SYNPR: variants seen among roughly 807,000 people sequenced by gnomAD.
SYNPR encodes synaptoporin.
In SYNPR, 23 loss-of-function variants were observed where a neutral mutation model predicts 32.9. That is an observed-to-expected ratio of 0.70 (90% CI 0.50 to 0.99). SYNPR has a LOEUF of 0.99. SYNPR is among the 50% of genes least tolerant of loss of function. SYNPR has a pLI of 0.00. For missense variants in SYNPR, 318 were observed against 349.3 expected (o/e 0.91, Z 0.71); for synonymous variants, 146 against 135.9 (o/e 1.07, Z -0.52).
At chr3:63,257,812 T>A (rs1392033052) in intron 2 of SYNPR, among the ~76,000 whole-genome samples, 1 of 152,168 alleles carries the variant, frequency 6.6e-6, no homozygotes, top group African/African-American at 2.4e-5. Flanking sequence ...GTGTGCTGTA[T>A]TCAGAAAACC....
At chr3:63,581,175 A>C (rs1182095891) in intron 4 of SYNPR, among the ~76,000 whole-genome samples, 1 of 152,136 alleles carries the variant, frequency 6.6e-6, no homozygotes, top group Non-Finnish European at 1.5e-5. Flanking sequence ...ACAATCAGAA[A>C]AGCTCCATAC....
chr3:63,456,757 G>A (rs772186424), intron 2 of SYNPR, among the ~76,000 whole-genome samples: 1 of 151,926 alleles, frequency 6.6e-6, no homozygotes, highest in Non-Finnish European at 1.5e-5. Flanking sequence ...TTTCCCTGAG[G>A]TCTTGCCGCT....
intron 2 of SYNPR, among the ~76,000 whole-genome samples, chr3:63,254,149 C>T (rs1407959365): frequency 6.6e-6 from 1 of 152,040 alleles, no homozygotes; most frequent in Admixed American, 6.6e-5. Flanking sequence ...AGGGGAACAT[C>T]ACACACCGGG....
chr3:63,344,227 C>G (rs924568960), intron 2 of SYNPR, among the ~76,000 whole-genome samples: 1 of 152,168 alleles, frequency 6.6e-6, no homozygotes, highest in African/African-American at 2.4e-5. Context: ...CCCAAAGTAT[C>G]AATAGCCCTT....
intron 2 of SYNPR, among the ~76,000 whole-genome samples, chr3:63,384,226 G>C (rs550005116): frequency 7.2e-5 from 11 of 152,194 alleles, no homozygotes; most frequent in African/African-American, 2.4e-4. Flanking sequence ...ACATTTTATT[G>C]CAACACTATG....
chr3:63,300,625 G>C (rs1001586258), intron 2 of SYNPR, among the ~76,000 whole-genome samples: 1 of 151,990 alleles, frequency 6.6e-6, no homozygotes, highest in African/African-American at 2.4e-5. Context: ...CTCACCCCAA[G>C]CTTATATCCT....
intron 2 of SYNPR, among the ~76,000 whole-genome samples, chr3:63,254,740 C>T (rs1560169514): frequency 6.6e-6 from 1 of 152,110 alleles, no homozygotes; most frequent in Non-Finnish European, 1.5e-5. Flanking sequence ...CGTTGGAGTC[C>T]TAATCCCTAG....
intron 2 of SYNPR, among the ~76,000 whole-genome samples, chr3:63,358,629 A>G (rs1482814173): frequency 6.6e-6 from 1 of 152,160 alleles, no homozygotes; most frequent in Non-Finnish European, 1.5e-5. Flanking sequence ...ATACATGAAA[A>G]AAAAAAACCT....
intron 3 of SYNPR, among the ~76,000 whole-genome samples, chr3:63,488,239 A>G (rs1016371544): frequency 9.9e-5 from 15 of 152,222 alleles, no homozygotes; most frequent in Admixed American, 2.0e-4. Context: ...TTGCAATTAC[A>G]TTTAAGTATT....
chr3:63,207,130 T>A, the SYNPR span, among the ~76,000 whole-genome samples: 1 of 152,224 alleles, frequency 6.6e-6, no homozygotes. Flanking sequence ...ATTCTTGTCA[T>A]TCTTTTAACC....
chr3:63,271,203 A>G (rs893474621), intron 3 of SYNPR, among the ~76,000 whole-genome samples: 2 of 152,148 alleles, frequency 1.3e-5, no homozygotes, highest in African/African-American at 4.8e-5. Context: ...ACCTAATTTT[A>G]GGTATTGGAT....
intron 2 of SYNPR, among the ~76,000 whole-genome samples, chr3:63,343,510 A>G (rs1302539636): frequency 6.6e-6 from 1 of 152,142 alleles, no homozygotes; most frequent in East Asian, 1.9e-4. Context: ...GCCTCTATCC[A>G]TGTTTGCCCT....
chr3:63,576,757 C>A (rs1342804806), intron 4 of SYNPR, among the ~76,000 whole-genome samples: 1 of 149,394 alleles, frequency 6.7e-6, no homozygotes, highest in Non-Finnish European at 1.5e-5. Context: ...CACAACTACA[C>A]TCCAGCCTGG....
intron 2 of SYNPR, among the ~76,000 whole-genome samples, chr3:63,310,554 ATGT>A (rs1471561785): frequency 6.6e-6 from 1 of 151,886 alleles, no homozygotes; most frequent in Non-Finnish European, 1.5e-5. Context: ...ATTCTTGCTG[ATGT>A]TGTCAAGATG....
intron 3 of SYNPR, among the ~76,000 whole-genome samples, chr3:63,492,230 C>T (rs1701269469): frequency 6.6e-6 from 1 of 152,142 alleles, no homozygotes. Flanking sequence ...TGACTGAGAT[C>T]CAGAGCACAG....
At position 63,416,531 on chromosome 3, in the gene SYNPR, TAAAAAAAAAA is replaced by T. The variant is rs60383627; in HGVS notation, c.85-64289_85-64280del. Among the ~76,000 whole-genome samples the T allele has an allele frequency of 8.5e-5, 9 of 105,338 alleles. No homozygotes were observed. In the Admixed American group the frequency reaches 1.0e-3, roughly 12 times the overall value. 69.1% of individuals were successfully genotyped at this position (105,338 alleles called of 152,430 possible). A position where few individuals can be genotyped will look rare whatever the true frequency, so the allele number is the denominator to read the frequency against. On this transcript the variant is annotated intron_variant, in intron 2 of 5. Coordinates refer to ENST00000478300, the MANE Select transcript of SYNPR (RefSeq NM_001130003.2). ...TTGGTGACGGAGTGAGACTCTGTCT[TAAAAAAAAAA>T]AAAAAAAAAAACCAAAAAAAAACAC...
intron 2 of SYNPR, among the ~76,000 whole-genome samples, chr3:63,375,027 A>G (rs1465636980): frequency 6.6e-6 from 1 of 152,216 alleles, no homozygotes; most frequent in East Asian, 1.9e-4. Flanking sequence ...ATGAGATACC[A>G]TCTCACACCA....
intron 2 of SYNPR, among the ~76,000 whole-genome samples, chr3:63,418,511 C>T (rs529563646): frequency 1.3e-5 from 2 of 152,142 alleles, no homozygotes; most frequent in Non-Finnish European, 2.9e-5. Context: ...TACTAATTTA[C>T]TGTATTATTC....
chr3:63,462,059 G>A lies in SYNPR; in HGVS notation c.85-18773G>A, dbSNP rs555971831. ...TCCTCTCATGCTATGCTTCCTCTTG[G>A]CCACTGCAGCCACAGTAGCTTCCTT... On this transcript the variant is annotated intron_variant, in intron 2 of 5. Transcript: ENST00000478300. 1.6e-4 allele frequency among the ~76,000 whole-genome samples: 24 copies of A among 151,986 alleles called. No individual in the cohort carries two copies. The East Asian group carries it at 3.9e-3, about 25-fold the overall frequency.
Sources: gnomAD v4.1 joint callset for allele counts (sites outside exome capture counted in the v4.1 genomes callset) on GRCh38, gnomAD v4.1.1 for gene constraint, MANE v1.5 for transcripts, NCBI Gene and HGNC (gene_info 2026-07-23, HGNC 2026-07-21) for gene names.